Variants in CSMD1 observed in about 807,000 individuals in gnomAD.
The protein encoded by CSMD1 is CUB and sushi domain-containing protein 1.
CSMD1 carries 213 observed loss-of-function variants against 417.5 expected under a neutral mutation model. The observed-to-expected ratio is 0.51, with a 90% CI of 0.46 to 0.57. CSMD1 has a LOEUF of 0.57. Among genes scored for constraint, CSMD1 ranks in the 20% least tolerant of loss-of-function variants. The pLI is 0.00. For missense variants in CSMD1, 6,923 were observed against 4,529.7 expected (o/e 1.53, Z -15.17); for synonymous variants, 2,862 against 1,736.8 (o/e 1.65, Z -16.11).
At chr8:4,848,590 G>A (rs1431812774) in intron 1 of CSMD1, among the ~76,000 whole-genome samples, 10 of 150,966 alleles carry the variant, frequency 6.6e-5, no homozygotes, top group South Asian at 2.1e-4. Flanking sequence ...CCAGGCCTGC[G>A]GTGCTGTGGC....
chr8:4,684,388 C>A (rs1465747612), intron 1 of CSMD1, among the ~76,000 whole-genome samples: 1 of 152,176 alleles, frequency 6.6e-6, no homozygotes, highest in Admixed American at 6.5e-5. Flanking sequence ...ACTTACTCAT[C>A]AAATTTCAAT....
chr8:2,946,018 G>T (rs555334572), intron 68 of CSMD1, among the ~76,000 whole-genome samples: 32 of 152,276 alleles, frequency 2.1e-4, no homozygotes, highest in African/African-American at 7.5e-4. Context: ...GGCTGTGTGA[G>T]CATCAGAGTG....
At chr8:3,915,991 T>C (rs954422436) in intron 5 of CSMD1, among the ~76,000 whole-genome samples, 8 of 151,490 alleles carry the variant, frequency 5.3e-5, no homozygotes, top group South Asian at 4.2e-4. Flanking sequence ...ATTCATAAGA[T>C]TGATATAATG....
At chr8:3,431,567 T>G (rs753589429) in intron 12 of CSMD1, among the ~76,000 whole-genome samples, 7 of 152,158 alleles carry the variant, frequency 4.6e-5, no homozygotes, top group African/African-American at 7.2e-5. Flanking sequence ...GAGAGTTAAA[T>G]TATACTTTAC....
At chr8:3,957,173 C>A (rs1345246849) in intron 5 of CSMD1, among the ~76,000 whole-genome samples, 1 of 152,086 alleles carries the variant, frequency 6.6e-6, no homozygotes, top group Non-Finnish European at 1.5e-5. Flanking sequence ...CTGCTAGATC[C>A]CTGATGTAAC....
intron 2 of CSMD1, among the ~76,000 whole-genome samples, chr8:4,599,364 ATTT>A (rs992413793): frequency 2.0e-5 from 3 of 149,398 alleles, no homozygotes; most frequent in African/African-American, 7.4e-5. Context: ...CCCTGGAAGA[ATTT>A]TTTTTTTTTC....
chr8:4,752,997 G>T (rs1563295409), intron 1 of CSMD1, among the ~76,000 whole-genome samples: 1 of 152,156 alleles, frequency 6.6e-6, no homozygotes, highest in Admixed American at 6.5e-5. Flanking sequence ...GGATGGTTTG[G>T]TATATAACGA....
chr8:4,559,464 T>C (rs1232323680), intron 2 of CSMD1, among the ~76,000 whole-genome samples: 1 of 152,148 alleles, frequency 6.6e-6, no homozygotes, highest in Non-Finnish European at 1.5e-5. Flanking sequence ...TATATAACCA[T>C]GGAGTAGAAA....
intron 1 of CSMD1, among the ~76,000 whole-genome samples, chr8:4,752,036 AT>A (rs1811366148): frequency 6.6e-6 from 1 of 152,204 alleles, no homozygotes; most frequent in East Asian, 1.9e-4. Context: ...AAATATGTAT[AT>A]GCAAACTGTG....
rs183486720 is a variant in CSMD1 at position 3,958,478 on chromosome 8, G to C, written c.818+39425C>G. Among the ~76,000 whole-genome samples the C allele has an allele frequency of 5.3e-5, 8 of 152,012 alleles. No homozygotes were observed. In the East Asian group the frequency reaches 7.7e-4, roughly 15 times the overall value. On this transcript the variant is annotated intron_variant, in intron 5 of 69. Coordinates refer to ENST00000635120, the MANE Select transcript of CSMD1 (RefSeq NM_033225.6). Reference sequence around the variant, plus strand: ...TTATTTTTAAAAATGAATTATAATTGAAATTGTTCCTGCTTATCACTAACA... The same window carrying C: ...TTATTTTTAAAAATGAATTATAATTCAAATTGTTCCTGCTTATCACTAACA...
In CSMD1 at chr8:3,851,864, A is replaced by C. The variant is rs532303493; in HGVS notation, c.819-97822T>G. Among the ~76,000 whole-genome samples, 340 of 152,272 alleles carry C rather than the reference A, an allele frequency of 2.2e-3. 2 individuals carry two copies. The highest frequency in any genetic ancestry group is 7.9e-3 in the African/African-American group (330 of 41,556). On this transcript the variant is annotated intron_variant, in intron 5 of 69. Coordinates refer to ENST00000635120, the MANE Select transcript of CSMD1 (RefSeq NM_033225.6). ...GGGTCGGGTGGGAGCAGACATGGCC[A>C]TGCAAAGCCAGTGGGCTCCATGGAT...
chr8:4,174,231 A>AAAGC (rs1797918145), intron 3 of CSMD1, among the ~76,000 whole-genome samples: 1 of 152,154 alleles, frequency 6.6e-6, no homozygotes, highest in South Asian at 2.1e-4. Context: ...CACCGTCTTG[A>AAAGC]AAGCAAAGCG....
rs577671677 is a variant in CSMD1, at chr8:4,500,858, T to C, written c.303-80793A>G. Among the ~76,000 whole-genome samples, 83 of 152,270 alleles carry C rather than the reference T, an allele frequency of 5.5e-4. 1 individual carries two copies. The highest frequency in any genetic ancestry group is 2.0e-3 in the African/African-American group (83 of 41,570). ...TGCCTGGAGGATTTCTATTTATCTG[T>C]CTCTGGCGTAACCTTATTCCACGTT... On this transcript the variant is annotated intron_variant, in intron 2 of 69. Coordinates refer to ENST00000635120, the MANE Select transcript of CSMD1 (RefSeq NM_033225.6).
chr8:4,020,056 G>T (rs79225703), intron 4 of CSMD1, among the ~76,000 whole-genome samples: 1,634 of 152,258 alleles, frequency 0.011, 22 homozygotes, highest in East Asian at 0.055. Context: ...AGAGTGGAAG[G>T]GAGAGGAGAT....
chr8:3,613,307 CT>C, intron 8 of CSMD1: 1 of 418,204 alleles, frequency 2.4e-6, no homozygotes, highest in South Asian at 1.7e-5. Context: ...TTCCAGGTAG[CT>C]TCCCTGGTGA....
Position 4,594,769 on chromosome 8 carries a change from A to G in CSMD1, c.302+42573T>C, listed in dbSNP as rs560659663. 2.6e-5 allele frequency among the ~76,000 whole-genome samples: 4 copies of G among 152,248 alleles called. No homozygotes were observed. The East Asian group carries it at 7.7e-4, about 29-fold the overall frequency. The stretch of plus-strand genomic sequence containing the variant: ...TGGCTATCTTTCCTCCCCAGGCTCT[A>G]AGCTATTTTAGGGCAGACATATCAT... On this transcript the variant is annotated intron_variant, in intron 2 of 69. Transcript: ENST00000635120.
chr8:4,045,067 A>C (rs1050089991), intron 3 of CSMD1, among the ~76,000 whole-genome samples: 13 of 152,144 alleles, frequency 8.5e-5, no homozygotes, highest in Non-Finnish European at 1.6e-4. Context: ...CTTGTGCCTG[A>C]GGTATGGTGT....
chr8:4,910,364 A>G (rs1247207103), intron 1 of CSMD1, among the ~76,000 whole-genome samples: 1 of 152,156 alleles, frequency 6.6e-6, no homozygotes, highest in African/African-American at 2.4e-5. Flanking sequence ...GGCTGCTATA[A>G]AAAATACTAT....
intron 1 of CSMD1, among the ~76,000 whole-genome samples, chr8:4,900,835 A>C (rs187034647): frequency 6.6e-6 from 1 of 152,134 alleles, no homozygotes; most frequent in Non-Finnish European, 1.5e-5. Context: ...TCACGGCTCT[A>C]ATTTCTGTCC....
Sources: gnomAD v4.1 joint callset for allele counts (sites outside exome capture counted in the v4.1 genomes callset) on GRCh38, gnomAD v4.1.1 for gene constraint, MANE v1.5 for transcripts, NCBI Gene and HGNC (gene_info 2026-07-23, HGNC 2026-07-21) for gene names.